The following CTSD variants were observed in gnomAD, a reference collection of about 807,000 sequenced individuals.
The protein encoded by CTSD is ceroid-lipofuscinosis, neuronal 10.
In CTSD, 28 loss-of-function variants were observed where a neutral mutation model predicts 43.6. That is an observed-to-expected ratio of 0.64 (90% CI 0.48 to 0.88). The LOEUF (loss-of-function observed/expected upper bound fraction) is 0.88, where lower values mean the gene tolerates loss of function less well. Ranked by LOEUF, CTSD falls within the 40% of genes least tolerant of loss-of-function variation. CTSD has a pLI of 0.00. For missense variants in CTSD, 485 were observed against 555.2 expected (o/e 0.87, Z 1.27); for synonymous variants, 270 against 249.8 (o/e 1.08, Z -0.76).
At position 1,754,549 on chromosome 11, in the gene CTSD, AG is replaced by A. The variant is rs1280686053; in HGVS notation, c.827+356del. Among the ~76,000 whole-genome samples, 155 of 24,612 alleles carry A rather than the reference AG, an allele frequency of 6.3e-3. 1 individual carries two copies. Among genetic ancestry groups the A allele is most frequent in the African/African-American group, 0.013 (89 of 6,688 alleles). The allele number at this position is 24,612 out of a possible 152,430, so 16.1% of individuals were successfully genotyped here. A position where few individuals can be genotyped will look rare whatever the true frequency, so the allele number is the denominator to read the frequency against. ...AGGGGATGGAGGGATGGAGGGATGGAGGGGATGGAGGGATGGAGGAGATGGA... is the reference window on the plus strand; with the variant it reads ...AGGGGATGGAGGGATGGAGGGATGGAGGGATGGAGGGATGGAGGAGATGGA... On this transcript the variant is annotated intron_variant, in intron 6 of 8. Transcript: ENST00000236671.
At chr11:1,762,770 G>C (rs572187816) in intron 1 of CTSD, among the ~76,000 whole-genome samples, 1 of 152,312 alleles carries the variant, frequency 6.6e-6, no homozygotes, top group Non-Finnish European at 1.5e-5. Flanking sequence ...AGGCTGGCAA[G>C]GTCAAGGCAG....
rs757270638 is a variant in CTSD, at chr11:1,754,897, A to T, written c.827+9T>A. The T allele has an allele frequency of 1.2e-5, 19 of 1,613,674 alleles. No individual in the cohort carries two copies. The highest frequency in any genetic ancestry group is 1.3e-5 in the Non-Finnish European group (15 of 1,179,842). ...GAACCCAGGGGAGCCGACTGCAGCC[A>T]CTACTCACTGGTCCAGGTGGACCTG... On this transcript the variant is annotated intron_variant, in intron 6 of 8. Transcript: ENST00000236671.
At position 1,753,805 on chromosome 11, in the gene CTSD, T is replaced by C. The variant is rs765270800; in HGVS notation, c.1069A>G (p.Lys357Glu). ...GCGGCACCCCATTGCCCGCTCACCT[T>C]GAGCGTGTAGTCCTCTGGGGACAGC... ...YKLSPEDYTL[K>E]VSQAGKTLCL... is the part of the protein sequence containing the mutation. The change falls in exon 8 of 9, where the codon AAG becomes GAG. Residue 357 changes from lysine (K) to glutamate (E), a missense_variant and splice_region_variant. Physicochemically the swap from Lys to Glu is moderately conservative, Grantham distance 56 (BLOSUM62 1). Coordinates refer to ENST00000236671, the MANE Select transcript of CTSD (RefSeq NM_001909.5). The C allele has an allele frequency of 1.9e-6, 3 of 1,613,178 alleles. No homozygotes were observed. In the Admixed American group the frequency reaches 5.0e-5, roughly 27 times the overall value.
chr11:1,760,057 G>A (rs919438752), intron 2 of CTSD, among the ~76,000 whole-genome samples: 2 of 152,234 alleles, frequency 1.3e-5, no homozygotes, highest in African/African-American at 4.8e-5. Flanking sequence ...GAAAGGAAGT[G>A]ACTTCCTCCC....
Position 1,763,922 on chromosome 11 carries a change from G to T in CTSD, c.-63C>A. On this transcript the variant is annotated 5_prime_UTR_variant, in exon 1 of 9. Coordinates refer to ENST00000236671, the MANE Select transcript of CTSD (RefSeq NM_001909.5). ...GTGCGCTTATAGCCGGGATGACGCC[G>T]CAGTTGGGCCGGATCAGCTGACCCG... 2 of 1,424,062 alleles carry T rather than the reference G, an allele frequency of 1.4e-6. No homozygotes were observed. The highest frequency in any genetic ancestry group is 1.9e-6 in the Non-Finnish European group (2 of 1,062,596). 88.2% of individuals were successfully genotyped at this position (1,424,062 alleles called of 1,614,324 possible).
chr11:1,763,749 G>A, intron 1 of CTSD, 43 bp downstream of exon 1: 1 of 1,499,978 alleles, frequency 6.7e-7, no homozygotes. Context: ...CCTCGGCGCC[G>A]CGACCCCTGC....
chr11:1,754,833 G>T, intron 6 of CTSD, 73 bp downstream of exon 6: 1 of 1,600,352 alleles, frequency 6.2e-7, no homozygotes, highest in Non-Finnish European at 8.5e-7. Flanking sequence ...CTGCAGAACC[G>T]GGGTCCTCCA....
intron 4 of CTSD, 124 bp from the exon 5 acceptor site, chr11:1,757,680 C>T: frequency 2.4e-6 from 2 of 834,658 alleles, no homozygotes; most frequent in Non-Finnish European, 3.9e-6. Flanking sequence ...CCCAGAGGGC[C>T]CAGAAGAAAG....
chr11:1,755,225 G>A lies in CTSD; in HGVS notation c.705-197C>T, dbSNP rs531220728. 6.6e-5 allele frequency: 45 copies of A among 679,720 alleles called. No homozygotes were observed. The Middle Eastern group carries it at 1.2e-3, about 18-fold the overall frequency. The allele number at this position is 679,720 out of a possible 1,614,324, so 42.1% of individuals were successfully genotyped here. A position where few individuals can be genotyped will look rare whatever the true frequency, so the allele number is the denominator to read the frequency against. On this transcript the variant is annotated intron_variant, in intron 5 of 8. Coordinates refer to ENST00000236671, the MANE Select transcript of CTSD (RefSeq NM_001909.5). ...TCTTCCCGGGGTAGGGCTGCTCTGC[G>A]TGGGCCCAGCCTGGCCCAGAAGAGG...
chr11:1,759,419 A>G, intron 3 of CTSD, 97 bp downstream of exon 3: 2 of 1,551,794 alleles, frequency 1.3e-6, no homozygotes, highest in Non-Finnish European at 1.8e-6. Flanking sequence ...GCCAAGAGGC[A>G]GGAGAATTGC....
chr11:1,757,823 T>C, intron 4 of CTSD: 1 of 534,964 alleles, frequency 1.9e-6, no homozygotes, highest in Non-Finnish European at 3.4e-6. Flanking sequence ...GCAGGCCCCT[T>C]GCTCCGCTCC....
Position 1,754,561 on chromosome 11 carries a change from G to A in CTSD, c.827+345C>T, listed in dbSNP as rs116110121. On this transcript the variant is annotated intron_variant, in intron 6 of 8. Transcript: ENST00000236671. ...GATGGAGGGATGGAGGGGATGGAGG[G>A]ATGGAGGAGATGGAGGGTCATGAAG... Among the ~76,000 whole-genome samples the A allele has an allele frequency of 4.6e-3, 600 of 131,368 alleles. 8 individuals are homozygous for A. The highest frequency in any genetic ancestry group is 0.015 in the African/African-American group (429 of 29,118). The allele number at this position is 131,368 out of a possible 152,430, so 86.2% of individuals were successfully genotyped here.
chr11:1,756,502 G>A (rs753799745), intron 5 of CTSD, among the ~76,000 whole-genome samples: 10 of 152,224 alleles, frequency 6.6e-5, no homozygotes, highest in Non-Finnish European at 1.3e-4. Flanking sequence ...AGTGAGCCAC[G>A]TGAGGTAAAC....
chr11:1,763,585 C>T (rs927609742), intron 1 of CTSD: 7 of 519,906 alleles, frequency 1.3e-5, no homozygotes, highest in African/African-American at 2.0e-5. Flanking sequence ...GCGCCTCTGC[C>T]CCGGGTCCCC....
intron 6 of CTSD, among the ~76,000 whole-genome samples, chr11:1,754,606 G>C (rs1845785654): frequency 6.9e-6 from 1 of 143,908 alleles, no homozygotes; most frequent in Admixed American, 7.0e-5. Flanking sequence ...GGGATGAGGG[G>C]ATGGAGGGGA....
At chr11:1,762,340 C>G (rs563091063) in intron 1 of CTSD, 1 of 152,362 alleles carries the variant, frequency 6.6e-6, no homozygotes, top group East Asian at 1.9e-4. Flanking sequence ...ACCCAGGAAG[C>G]GAGTAAGAGA....
rs541792699 is a variant in CTSD, at chr11:1,763,862, C to A, written c.-3G>T. 25 of 1,521,694 alleles carry A rather than the reference C, an allele frequency of 1.6e-5. No homozygotes were observed. In the East Asian group the frequency reaches 5.9e-4, roughly 36 times the overall value. 94.3% of individuals were successfully genotyped at this position (1,521,694 alleles called of 1,614,324 possible). ...GGCAGAAGGCTGGAGGGCTGCATGG[C>A]GGCGGCGGCCGGGTCGGAGAGGGTC... is the stretch of plus-strand genomic sequence containing the variant. On this transcript the variant is annotated 5_prime_UTR_variant, in exon 1 of 9. Coordinates refer to ENST00000236671, the MANE Select transcript of CTSD (RefSeq NM_001909.5).
Position 1,753,429 on chromosome 11 carries a change from G to A in CTSD, c.*74C>T. On this transcript the variant is annotated 3_prime_UTR_variant, in exon 9 of 9. Coordinates refer to ENST00000236671, the MANE Select transcript of CTSD (RefSeq NM_001909.5). Reference sequence around the variant, plus strand: ...GCGAGTGTGTGGGTGTGTGTGGGAGGGGCCGCTGGGCCAGGGGCCTCCTGC... The same window carrying A: ...GCGAGTGTGTGGGTGTGTGTGGGAGAGGCCGCTGGGCCAGGGGCCTCCTGC... 6.4e-7 allele frequency: 1 copy of A among 1,569,764 alleles called. No individual in the cohort carries two copies. The highest frequency in any genetic ancestry group is 1.7e-5 in the Admixed American group (1 of 59,936).
Position 1,754,060 on chromosome 11 carries a change from C to A in CTSD, c.906G>T (p.Val302=). The A allele has an allele frequency of 6.2e-7, 1 of 1,611,524 alleles. No homozygotes were observed. Among genetic ancestry groups the A allele is most frequent in the East Asian group, 2.2e-5 (1 of 44,806 alleles). ...GCTCGCGCACCTCATCCACCGGGCCCACCATGAGGGAAGTGCCTGTGTCCA... is the reference window on the plus strand; with the variant it reads ...GCTCGCGCACCTCATCCACCGGGCCAACCATGAGGGAAGTGCCTGTGTCCA... ...AIVDTGTSLM[V]GPVDEVRELQ... The change falls in exon 7 of 9, where the codon GTG becomes GTT. Residue 302 remains valine, a synonymous_variant. Coordinates refer to ENST00000236671, the MANE Select transcript of CTSD (RefSeq NM_001909.5).
Sources: gnomAD v4.1 joint callset for allele counts (sites outside exome capture counted in the v4.1 genomes callset) on GRCh38, gnomAD v4.1.1 for gene constraint, MANE v1.5 for transcripts, NCBI Gene and HGNC (gene_info 2026-07-23, HGNC 2026-07-21) for gene names.